The following CENATAC variants were observed in gnomAD, a reference collection of about 807,000 sequenced individuals.
CENATAC encodes centrosomal AT-AC splicing factor, also known as coiled-coil domain containing 84.
A neutral mutation model predicts 53.7 loss-of-function variants in CENATAC; 53 were observed. The observed-to-expected ratio is 0.99, with a 90% CI of 0.79 to 1.24. The LOEUF is 1.24. Ranked by LOEUF, CENATAC falls within the 50% of genes most tolerant of loss-of-function variation. The pLI is 0.00. For missense variants in CENATAC, 474 were observed against 417.8 expected, an observed-to-expected ratio of 1.13 and a Z score of -1.17; for synonymous variants, 156 against 144.6, an observed-to-expected ratio of 1.08 and a Z score of -0.57.
chr11:118,999,881 A>T (rs1942207271), intron 3 of CENATAC, among the ~76,000 whole-genome samples: 1 of 152,110 alleles, frequency 6.6e-6, no homozygotes, highest in Non-Finnish European at 1.5e-5. Flanking sequence ...TGACCTCCTG[A>T]TCCGCCCACC....
chr11:119,002,279 A>T (rs1200310433), intron 3 of CENATAC, among the ~76,000 whole-genome samples: 1 of 149,560 alleles, frequency 6.7e-6, no homozygotes, highest in Non-Finnish European at 1.5e-5. Context: ...TAGTGTAACC[A>T]GTTGGTGTGA....
rs2134512649 is a variant in CENATAC at position 118,998,597 on chromosome 11, A to G, written c.284+4A>G. 1 of 1,557,646 alleles carries G rather than the reference A, an allele frequency of 6.4e-7. No homozygotes were observed. Among genetic ancestry groups the G allele is most frequent in the Non-Finnish European group, 8.7e-7 (1 of 1,150,112 alleles). On this transcript the variant is annotated splice_donor_region_variant and intron_variant, in intron 2 of 10. Coordinates refer to ENST00000334418, the MANE Select transcript of CENATAC (RefSeq NM_198489.3). ...GGCTGCTGGAGCATCTGGCCAGGTG[A>G]GAGCCGAGCTAGGAGCCTGCTCCAG...
At chr11:119,010,982 C>A in intron 4 of CENATAC, 152 bp downstream of exon 4, 1 of 714,636 alleles carries the variant, frequency 1.4e-6, no homozygotes, top group South Asian at 1.8e-5. Context: ...ATAAGGAGCA[C>A]GCAACCTAGA....
chr11:119,015,559 T>G lies in CENATAC; in HGVS notation c.960T>G (p.Ala320=), dbSNP rs1943125952. 1 of 1,614,166 alleles carries G rather than the reference T, an allele frequency of 6.2e-7. No individual in the cohort carries two copies. The highest frequency in any genetic ancestry group is 2.2e-5 in the East Asian group (1 of 44,890). ...TCAGACATCAATTCAAAACTGAAGCTGCAGCAATGAAGAAGCAGTCACATA... is the reference window on the plus strand; with the variant it reads ...TCAGACATCAATTCAAAACTGAAGCGGCAGCAATGAAGAAGCAGTCACATA... ...WQSRHQFKTE[A]AAMKKQSHTE... The change falls in exon 11 of 11, where the codon GCT becomes GCG. Residue 320 remains alanine, a synonymous_variant. Transcript: ENST00000334418.
chr11:119,015,687 C>A lies in CENATAC; in HGVS notation c.*89C>A. 1 of 1,416,328 alleles carries A rather than the reference C, an allele frequency of 7.1e-7. No individual in the cohort carries two copies. The highest frequency in any genetic ancestry group is 9.9e-7 in the Non-Finnish European group (1 of 1,008,644). 87.7% of individuals were successfully genotyped at this position (1,416,328 alleles called of 1,614,324 possible). A position where few individuals can be genotyped will look rare whatever the true frequency, so the allele number is the denominator to read the frequency against. On this transcript the variant is annotated 3_prime_UTR_variant, in exon 11 of 11. Transcript: ENST00000334418. ...CACCAAATTCTTTATCATTGTCTTT[C>A]TTAGGAAACAGACATACTCATTCAT... is the stretch of plus-strand genomic sequence containing the variant.
chr11:118,999,939 G>C (rs1350175499), intron 3 of CENATAC, among the ~76,000 whole-genome samples: 1 of 152,190 alleles, frequency 6.6e-6, no homozygotes, highest in Non-Finnish European at 1.5e-5. Context: ...ACCGCGCCCG[G>C]CCAATTTTTG....
chr11:119,000,390 G>A (rs1433099805), intron 3 of CENATAC, among the ~76,000 whole-genome samples: 3 of 150,020 alleles, frequency 2.0e-5, no homozygotes, highest in African/African-American at 7.4e-5. Flanking sequence ...AGCATGCAGG[G>A]TTTTCATGCC....
chr11:119,007,922 G>A (rs1336523264), intron 3 of CENATAC, among the ~76,000 whole-genome samples: 1 of 152,204 alleles, frequency 6.6e-6, no homozygotes, highest in Non-Finnish European at 1.5e-5. Context: ...ACAGTGAAAA[G>A]AAAAGGAAGA....
chr11:119,007,822 A>G (rs909636018), intron 3 of CENATAC, among the ~76,000 whole-genome samples: 2 of 152,204 alleles, frequency 1.3e-5, no homozygotes, highest in Non-Finnish European at 2.9e-5. Flanking sequence ...ATTGTCAAAC[A>G]TACACACACA....
rs1237051945 is a variant in CENATAC, at chr11:119,015,605, T to A, written c.*7T>A. ...ACATACAGAAAAAAGCTAATCATGC[T>A]CTCTACCAACTACCATGAGGCTAAA... On this transcript the variant is annotated 3_prime_UTR_variant, in exon 11 of 11. Transcript: ENST00000334418. 1 of 1,613,914 alleles carries A rather than the reference T, an allele frequency of 6.2e-7. No homozygotes were observed. The highest frequency in any genetic ancestry group is 1.1e-5 in the South Asian group (1 of 91,072).
In CENATAC at chr11:118,999,083, T is replaced by C; in HGVS notation, c.357T>C (p.Phe119=). 6.2e-7 allele frequency: 1 copy of C among 1,614,098 alleles called. No homozygotes were observed. The highest frequency in any genetic ancestry group is 1.1e-5 in the South Asian group (1 of 91,084). ...CTGAGGTCCAGATGAAAGAGAAGTTTCTGGTCACTCCCCAGGATTATGCGC... is the reference window on the plus strand; with the variant it reads ...CTGAGGTCCAGATGAAAGAGAAGTTCCTGGTCACTCCCCAGGATTATGCGC... ...NKAEVQMKEK[F]LVTPQDYARF... Residue 119 remains phenylalanine (F), a synonymous_variant, in exon 3 of 11, where the codon TTT becomes TTC. Coordinates refer to ENST00000334418, the MANE Select transcript of CENATAC (RefSeq NM_198489.3).
At chr11:119,013,775 T>A (rs1451727357) in intron 8 of CENATAC, among the ~76,000 whole-genome samples, 1 of 151,458 alleles carries the variant, frequency 6.6e-6, no homozygotes, top group East Asian at 1.9e-4. Context: ...TTTTTTTTTT[T>A]TTAAATAAAG....
rs979114711 is a variant in CENATAC, at chr11:118,998,689, G to T, written c.284+96G>T. On this transcript the variant is annotated intron_variant, in intron 2 of 10. Transcript: ENST00000334418. ...GAGAAAAAGGACGCTTTTGTGATTT[G>T]ATCAAGAAGGATGGATTGAGTCACT... 4.3e-6 allele frequency: 6 copies of T among 1,400,546 alleles called. No homozygotes were observed. In the African/African-American group the frequency reaches 8.6e-5, roughly 20 times the overall value. 86.8% of individuals were successfully genotyped at this position (1,400,546 alleles called of 1,614,324 possible).
rs546440871 is a variant in CENATAC at position 119,003,626 on chromosome 11, T to TTTC, written c.383+4519_383+4520insCTT. The TTTC allele has an allele frequency of 1.1e-3, 228 of 205,028 alleles. 1 individual carries two copies. The highest frequency in any genetic ancestry group is 5.4e-3 in the African/African-American group (218 of 40,408). The allele number at this position is 205,028 out of a possible 1,614,324, so 12.7% of individuals were successfully genotyped here. A position where few individuals can be genotyped will look rare whatever the true frequency, so the allele number is the denominator to read the frequency against. On this transcript the variant is annotated intron_variant, in intron 3 of 10. Coordinates refer to ENST00000334418, the MANE Select transcript of CENATAC (RefSeq NM_198489.3). ...AATTAGAAATATTTCTCTCTCTTTT[T>TTTC]TTTTTTTTTTTTTGGGAGACAGAGT...
intron 3 of CENATAC, chr11:119,003,297 G>A (rs782735035): frequency 6.4e-5 from 34 of 527,144 alleles, no homozygotes; most frequent in Middle Eastern, 5.3e-4. Flanking sequence ...CTCCGGAGTC[G>A]CAATGTCTTG....
Position 118,999,044 on chromosome 11 carries a change from G to T in CENATAC, c.318G>T (p.Trp106Cys). ...ACAAGAAAGCAACCAACAAATTCTGGTGGGAGAACAAAGCTGAGGTCCAGA... is the reference window on the plus strand; with the variant it reads ...ACAAGAAAGCAACCAACAAATTCTGTTGGGAGAACAAAGCTGAGGTCCAGA... Reference protein sequence around the residue: ...PEHKKATNKFWWENKAEVQMK... With the variant: ...PEHKKATNKFCWENKAEVQMK... The change falls in exon 3 of 11, where the codon TGG (tryptophan) becomes TGT (cysteine). Residue 106 changes from tryptophan (W) to cysteine (C), a missense_variant. Transcript: ENST00000334418. The T allele has an allele frequency of 2.5e-6, 4 of 1,614,116 alleles. No homozygotes were observed. The highest frequency in any genetic ancestry group is 3.4e-6 in the Non-Finnish European group (4 of 1,180,020).
chr11:119,013,214 T>C lies in CENATAC; in HGVS notation c.685-18T>C, dbSNP rs190699051. ...CCTAGACTTTAACTAGCACTTTTTT[T>C]CCCATTTCCAACTACAGGATATACC... is the stretch of plus-strand genomic sequence containing the variant. On this transcript the variant is annotated intron_variant, in intron 7 of 10. Coordinates refer to ENST00000334418, the MANE Select transcript of CENATAC (RefSeq NM_198489.3). 6.5e-5 allele frequency: 104 copies of C among 1,600,028 alleles called. No individual in the cohort carries two copies. Among genetic ancestry groups the C allele is most frequent in the Admixed American group, 3.8e-4 (22 of 57,962 alleles).
chr11:119,014,832 G>A (rs1203974858), intron 8 of CENATAC, 162 bp from the exon 9 acceptor site: 3 of 510,140 alleles, frequency 5.9e-6, no homozygotes, highest in Non-Finnish European at 1.0e-5. Context: ...GGGGTATGTC[G>A]CTTTAAATTA....
In CENATAC at chr11:119,015,317, G is replaced by GCA. The variant is rs782399625; in HGVS notation, c.816_817insCA (p.Lys273GlnfsTer3). On this transcript the variant is annotated frameshift_variant, in exon 10 of 11. Coordinates refer to ENST00000334418, the MANE Select transcript of CENATAC (RefSeq NM_198489.3). LOFTEE classifies it high-confidence loss of function. Reference sequence around the variant, plus strand: ...CCTATCATTGTACAGAGGAAAAACAGAAGTTGAAAAAACTCCCCCCAGACC... The same window carrying GCA: ...CCTATCATTGTACAGAGGAAAAACAGCAAAGTTGAAAAAACTCCCCCCAGACC... The GCA allele has an allele frequency of 9.3e-6, 15 of 1,611,228 alleles. No individual in the cohort carries two copies.
Sources: gnomAD v4.1 joint callset for allele counts (sites outside exome capture counted in the v4.1 genomes callset) on GRCh38, gnomAD v4.1.1 for gene constraint, MANE v1.5 for transcripts, NCBI Gene and HGNC (gene_info 2026-07-23, HGNC 2026-07-21) for gene names.